The following KMT2D variants were observed in gnomAD, a reference collection of about 807,000 sequenced individuals.
KMT2D encodes the protein lysine methyltransferase 2D, also known as histone-lysine N-methyltransferase 2D.
In KMT2D, 55 loss-of-function variants were observed where a neutral mutation model predicts 512.7. That is an observed-to-expected ratio of 0.11 (90% CI 0.09 to 0.13). KMT2D has a LOEUF of 0.13. KMT2D is among the 10% of genes least tolerant of loss of function. The probability of loss-of-function intolerance (pLI) is 1.00; values close to 1 mark genes in which losing one functional copy is unlikely to be tolerated. For missense variants in KMT2D, 6,061 were observed against 7,127.9 expected (o/e 0.85, Z 5.39); for synonymous variants, 2,995 against 2,904.0 (o/e 1.03, Z -1.01).
Position 49,026,810 on chromosome 12 carries a change from C to T in KMT2D, c.15156G>A (p.Leu5052=), listed in dbSNP as rs756642950. 1.4e-5 allele frequency: 23 copies of T among 1,612,870 alleles called. No homozygotes were observed. Among genetic ancestry groups the T allele is most frequent in the Non-Finnish European group, 1.6e-5 (19 of 1,179,008 alleles). ...TGAGGTGCACCCACAGGTCCAGGTCCAGGTTCAGCAGACGGGCAGGCCCAT... is the reference window on the plus strand; with the variant it reads ...TGAGGTGCACCCACAGGTCCAGGTCTAGGTTCAGCAGACGGGCAGGCCCAT... ...ATDGPARLLN[L]DLDLWVHLNC... The change falls in exon 49 of 55, where the codon CTG becomes CTA. Residue 5052 remains leucine, a synonymous_variant. Coordinates refer to ENST00000301067, the MANE Select transcript of KMT2D (RefSeq NM_003482.4). This position sits in a 1 kb window ranked among gnomAD's most constrained non-coding sequence, Gnocchi z 9.6.
rs2120661981 is a variant in KMT2D at position 49,051,031 on chromosome 12, A to G, written c.2652T>C (p.Pro884=). ...CPAPEELPLF[P]PPGEPSLSPL... ...GAGATAAGGATGGTTCCCCAGGGGG[A>G]GGGAACAAGGGCAGCTCCTCAGGTG... Residue 884 remains proline, a synonymous_variant, in exon 11 of 55, where the codon CCT becomes CCC. Transcript: ENST00000301067. The G allele has an allele frequency of 2.6e-6, 4 of 1,549,268 alleles. No individual in the cohort carries two copies. Among genetic ancestry groups the G allele is most frequent in the Non-Finnish European group, 2.6e-6 (3 of 1,150,106 alleles).
chr12:49,021,888 G>A lies in KMT2D; in HGVS notation c.16522-16C>T, dbSNP rs972001912. 2 of 1,609,336 alleles carry A rather than the reference G, an allele frequency of 1.2e-6. No homozygotes were observed. The highest frequency in any genetic ancestry group is 1.7e-5 in the Admixed American group (1 of 60,018). On this transcript the variant is annotated splice_polypyrimidine_tract_variant and intron_variant, in intron 54 of 54. Transcript: ENST00000301067. The stretch of plus-strand genomic sequence containing the variant: ...CATAGGTTAGCTGAAAAGAGAAGAG[G>A]GCAGAATCAATGCTAGTCCCCCACA...
chr12:49,040,201 C>A lies in KMT2D; in HGVS notation c.7569G>T (p.Gly2523=), dbSNP rs1943439575. Residue 2523 remains glycine, a synonymous_variant, in exon 32 of 55, where the codon GGG becomes GGT. Transcript: ENST00000301067. ...AGGGGGTGCCCACAAATGCACCCGT[C>A]CCAGGGGACCGGACAAAATTGGGGG... is the stretch of plus-strand genomic sequence containing the variant. ...GQPPNFVRSP[G]TGAFVGTPSP... 1 of 1,613,512 alleles carries A rather than the reference C, an allele frequency of 6.2e-7. No individual in the cohort carries two copies. Among genetic ancestry groups the A allele is most frequent in the Non-Finnish European group, 8.5e-7 (1 of 1,179,720 alleles).
rs1337343420 is a variant in KMT2D at position 49,046,781 on chromosome 12, C to T, written c.4246G>A (p.Val1416Met). 6.2e-7 allele frequency: 1 copy of T among 1,612,532 alleles called. No individual in the cohort carries two copies. Among genetic ancestry groups the T allele is most frequent in the Non-Finnish European group, 8.5e-7 (1 of 1,178,814 alleles). Residue 1416 changes from valine to methionine, a missense_variant, in exon 16 of 55, where the codon GTG becomes ATG. Val to Met is a conservative substitution (Grantham distance 21). Transcript: ENST00000301067. The surrounding 1 kb of genome is among the most constrained non-coding windows in gnomAD (Gnocchi z 4.2). ...PYCVNSKITK[V>M]MLLKGWRCVE... is the part of the protein sequence containing the mutation. ...CAACGCCAGCCCTTGAGCAGCATCA[C>T]CTTGGTGATCTGGGGCAGAAGATGG...
chr12:49,051,701 C>T lies in KMT2D; in HGVS notation c.1982G>A (p.Arg661His), dbSNP rs769580238. The change falls in exon 11 of 55, where the codon CGC (arginine) becomes CAC (histidine). Residue 661 changes from arginine (R) to histidine (H), a missense_variant. By Grantham distance (29) the Arg-to-His change is conservative (BLOSUM62 0). Around this residue, in one of 16 missense-constraint regions of KMT2D, gnomAD observed 848 missense variants for 838.5 expected, o/e 1.01. Transcript: ENST00000301067. Reference protein sequence around the residue: ...SRLSPLPVVSRLSPPPEESPL... With the variant: ...SRLSPLPVVSHLSPPPEESPL... ...AGATTCCTCAGGCGGTGGAGACAGGCGTGACACCACAGGCAGGGGGGATAG... is the reference window on the plus strand; with the variant it reads ...AGATTCCTCAGGCGGTGGAGACAGGTGTGACACCACAGGCAGGGGGGATAG... 24 of 1,523,810 alleles carry T rather than the reference C, an allele frequency of 1.6e-5. No homozygotes were observed. The highest frequency in any genetic ancestry group is 1.8e-5 in the Non-Finnish European group (20 of 1,138,196). The allele number at this position is 1,523,810 out of a possible 1,614,324, so 94.4% of individuals were successfully genotyped here.
At chr12:49,049,330 C>T in intron 12 of KMT2D, 112 bp from the exon 13 acceptor site, 1 of 697,438 alleles carries the variant, frequency 1.4e-6, no homozygotes, top group East Asian at 2.8e-5. Flanking sequence ...GTAATAAGCC[C>T]AGGAGTCCCA....
In KMT2D at chr12:49,024,760, C is replaced by T. The variant is rs765762132; in HGVS notation, c.15921+50G>A. 1 of 1,608,536 alleles carries T rather than the reference C, an allele frequency of 6.2e-7. No homozygotes were observed. The highest frequency in any genetic ancestry group is 1.1e-5 in the South Asian group (1 of 90,740). On this transcript the variant is annotated intron_variant, in intron 50 of 54. Coordinates refer to ENST00000301067, the MANE Select transcript of KMT2D (RefSeq NM_003482.4). The surrounding 1 kb of genome is among the most constrained non-coding windows in gnomAD (Gnocchi z 4.5). ...AGCCTGAGTTTTTTTGGGGTTAGGCCAAAGTTCTCAGTGCCCGCCAAGCCC... is the reference window on the plus strand; with the variant it reads ...AGCCTGAGTTTTTTTGGGGTTAGGCTAAAGTTCTCAGTGCCCGCCAAGCCC...
Position 49,032,561 on chromosome 12 carries a change from C to T in KMT2D, c.12144G>A (p.Pro4048=), listed in dbSNP as rs377382868. 13 of 1,612,512 alleles carry T rather than the reference C, an allele frequency of 8.1e-6. No individual in the cohort carries two copies. Among genetic ancestry groups the T allele is most frequent in the East Asian group, 2.2e-5 (1 of 44,874 alleles). ...TEGPSTHQGG[P]LAIGTTPESM... ...ACTCAGGGGTAGTTCCTATTGCTAACGGCCCTCCCTGATGTGTAGAGGGCC... is the reference window on the plus strand; with the variant it reads ...ACTCAGGGGTAGTTCCTATTGCTAATGGCCCTCCCTGATGTGTAGAGGGCC... The change falls in exon 40 of 55, where the codon CCG becomes CCA. Residue 4048 remains proline, a synonymous_variant. Transcript: ENST00000301067.
rs890974614 is a variant in KMT2D at position 49,019,300 on chromosome 12, T to G, written c.*2480A>C. ...GGTCCTGGAGGTGAGGGGAGAAGACTGTAAAGGGGAAAACTGAAAACTGAG... is the reference window on the plus strand; with the variant it reads ...GGTCCTGGAGGTGAGGGGAGAAGACGGTAAAGGGGAAAACTGAAAACTGAG... On this transcript the variant is annotated 3_prime_UTR_variant, in exon 55 of 55. Coordinates refer to ENST00000301067, the MANE Select transcript of KMT2D (RefSeq NM_003482.4). 1 of 380,316 alleles carries G rather than the reference T, an allele frequency of 2.6e-6. No homozygotes were observed. Among genetic ancestry groups the G allele is most frequent in the Admixed American group, 8.3e-5 (1 of 11,980 alleles). 23.6% of individuals were successfully genotyped at this position (380,316 alleles called of 1,614,324 possible). A position where few individuals can be genotyped will look rare whatever the true frequency, so the allele number is the denominator to read the frequency against.
In KMT2D at chr12:49,032,266, A is replaced by G; in HGVS notation, c.12439T>C (p.Ser4147Pro). The change falls in exon 40 of 55, where the codon TCC becomes CCC. Residue 4147 changes from serine (S) to proline (P), a missense_variant. Ser to Pro is a moderately conservative substitution (Grantham distance 74). Coordinates refer to ENST00000301067, the MANE Select transcript of KMT2D (RefSeq NM_003482.4). ...PSVSLGDQPG[S>P]MTQNLLGPQQ... Reference sequence around the variant, plus strand: ...GGGCCCAGAAGGTTCTGGGTCATGGACCCAGGCTGATCCCCTAAGGAAACA... The same window carrying G: ...GGGCCCAGAAGGTTCTGGGTCATGGGCCCAGGCTGATCCCCTAAGGAAACA... 1.2e-6 allele frequency: 2 copies of G among 1,613,856 alleles called. No individual in the cohort carries two copies. Among genetic ancestry groups the G allele is most frequent in the Non-Finnish European group, 8.5e-7 (1 of 1,179,850 alleles).
rs779500946 is a variant in KMT2D, at chr12:49,031,367, G to A, written c.13338C>T (p.Ser4446=). The change falls in exon 40 of 55, where the codon AGC becomes AGT. Residue 4446 remains serine (S), a synonymous_variant. Coordinates refer to ENST00000301067, the MANE Select transcript of KMT2D (RefSeq NM_003482.4). The stretch of plus-strand genomic sequence containing the variant: ...GAGGGCCTGCCAGCAGGAGGTGGTT[G>A]CTGGTTCCTGGTGCCCCTATTGGCT... The part of the protein sequence containing the change: ...NGEPIGAPGT[S]NHLLLAGPRS... 6.2e-7 allele frequency: 1 copy of A among 1,613,568 alleles called. No individual in the cohort carries two copies. Among genetic ancestry groups the A allele is most frequent in the Non-Finnish European group, 8.5e-7 (1 of 1,179,888 alleles).
At position 49,032,834 on chromosome 12, in the gene KMT2D, CTGTTGT is replaced by C; in HGVS notation, c.11865_11870del (p.Gln3964_Gln3965del). The C allele has an allele frequency of 6.4e-7, 1 of 1,550,584 alleles. No individual in the cohort carries two copies. Among genetic ancestry groups the C allele is most frequent in the African/African-American group, 1.4e-5 (1 of 73,028 alleles). ...ACTGCTGCTGTTGTTGTTGCTGTTG[CTGTTGT>C]AGCTGCTGTTGCTGCTGTTGAAGCT... On this transcript the variant is annotated inframe_deletion, in exon 40 of 55. Coordinates refer to ENST00000301067, the MANE Select transcript of KMT2D (RefSeq NM_003482.4).
Position 49,050,180 on chromosome 12 carries a change from C to T in KMT2D, c.3408G>A (p.Glu1136=), listed in dbSNP as rs372234918. ...CCAAACTGCCAGGGGTCTGTCCAGG[C>T]TCTGGCTGTGAACCCGGAGCATCAA... The part of the protein sequence containing the change: ...DGIDAPGSQP[E]PGQTPGSLAS... The change falls in exon 12 of 55, where the codon GAG becomes GAA. Residue 1136 remains glutamate (E), a synonymous_variant. Coordinates refer to ENST00000301067, the MANE Select transcript of KMT2D (RefSeq NM_003482.4). 2.7e-4 allele frequency: 430 copies of T among 1,613,822 alleles called. 5 individuals are homozygous for T. The East Asian group carries it at 9.2e-3, about 34-fold the overall frequency.
chr12:49,027,357 T>G, intron 48 of KMT2D, 35 bp from the exon 49 acceptor site: 1 of 1,483,080 alleles, frequency 6.7e-7, no homozygotes, highest in Non-Finnish European at 9.0e-7. Flanking sequence ...TAGTGCCAGC[T>G]CCTCATCTAA....
rs755159728 is a variant in KMT2D at position 49,041,415 on chromosome 12, C to CG, written c.6354dup (p.Ala2119ArgfsTer36). ...CCAATGAAAATGGTGGGGGCAGCAG[C>CG]GGGGGGCGGGCTGCCCAGTGCCCCT... is the stretch of plus-strand genomic sequence containing the variant. On this transcript the variant is annotated frameshift_variant, in exon 32 of 55. Coordinates refer to ENST00000301067, the MANE Select transcript of KMT2D (RefSeq NM_003482.4). LOFTEE classifies it high-confidence loss of function. This position sits in a 1 kb window ranked among gnomAD's most constrained non-coding sequence, Gnocchi z 5.4. 6.2e-7 allele frequency: 1 copy of CG among 1,602,912 alleles called. No individual in the cohort carries two copies. Among genetic ancestry groups the CG allele is most frequent in the Admixed American group, 1.7e-5 (1 of 59,570 alleles).
Position 49,037,289 on chromosome 12 carries a change from A to G in KMT2D, c.10067T>C (p.Met3356Thr). ...CTGCCCTCCATGCTGCCCACTTAGCATATGCCCTTGATTGGACACCATAGC... is the reference window on the plus strand; with the variant it reads ...CTGCCCTCCATGCTGCCCACTTAGCGTATGCCCTTGATTGGACACCATAGC... Reference protein sequence around the residue: ...SMAMVSNQGHMLSGQHGGQAG... With the variant: ...SMAMVSNQGHTLSGQHGGQAG... Residue 3356 changes from methionine to threonine, a missense_variant, in exon 35 of 55, where the codon ATG becomes ACG. By Grantham distance (81) the Met-to-Thr change is moderately conservative. Around this residue, in one of 16 missense-constraint regions of KMT2D, gnomAD observed 533 missense variants for 539.6 expected, o/e 0.99. Transcript: ENST00000301067. 1 of 1,613,646 alleles carries G rather than the reference A, an allele frequency of 6.2e-7. No homozygotes were observed. Among genetic ancestry groups the G allele is most frequent in the Non-Finnish European group, 8.5e-7 (1 of 1,179,836 alleles).
intron 35 of KMT2D, among the ~76,000 whole-genome samples, chr12:49,036,426 C>T (rs1464040158): frequency 6.6e-6 from 1 of 151,682 alleles, no homozygotes; most frequent in East Asian, 1.9e-4. Flanking sequence ...ATTCTCCTGC[C>T]TCAGCCTCTC....
chr12:49,032,450 C>A lies in KMT2D; in HGVS notation c.12255G>T (p.Gln4085His). Residue 4085 changes from glutamine (Q) to histidine (H), a missense_variant, in exon 40 of 55, where the codon CAG (glutamine) becomes CAT (histidine). Gln to His is a conservative substitution (Grantham distance 24). Around this residue, in one of 16 missense-constraint regions of KMT2D, gnomAD observed 1,600 missense variants for 1,754.9 expected, o/e 0.91. Transcript: ENST00000301067. ...LLLVQPQPQP[Q>H]PSSLQLQPPL... is the part of the protein sequence containing the mutation. ...GTGGCTGCAGCTGCAGAGAGCTGGG[C>A]TGAGGCTGGGGCTGGGGTTGGACAA... is the stretch of plus-strand genomic sequence containing the variant. 1 of 1,571,054 alleles carries A rather than the reference C, an allele frequency of 6.4e-7. No homozygotes were observed. The highest frequency in any genetic ancestry group is 8.6e-7 in the Non-Finnish European group (1 of 1,157,846).
intron 1 of KMT2D, among the ~76,000 whole-genome samples, chr12:49,056,577 G>A (rs142922628): frequency 9.2e-5 from 14 of 152,342 alleles, no homozygotes; most frequent in Non-Finnish European, 1.8e-4. Context: ...CTTAATCAGA[G>A]AAGGTATACA....
Sources: allele counts gnomAD v4.1 joint callset (sites outside exome capture counted in the v4.1 genomes callset), GRCh38; gene constraint gnomAD v4.1.1; regional missense constraint gnomAD v4.1.1; non-coding constraint Gnocchi (gnomAD v3.1); transcripts MANE v1.5; gene names NCBI Gene and HGNC (gene_info 2026-07-23, HGNC 2026-07-21).